The following ADGRV1 variants were observed in gnomAD, a reference collection of about 807,000 sequenced individuals.
ADGRV1 encodes adhesion G protein-coupled receptor V1, also known as G-protein coupled receptor 98.
A neutral mutation model predicts 596.2 loss-of-function variants in ADGRV1; 359 were observed. The ratio of observed to expected loss-of-function variants is 0.60; its 90% CI spans 0.55 to 0.66. ADGRV1 has a LOEUF of 0.66. Ranked by LOEUF, ADGRV1 falls within the 30% of genes least tolerant of loss-of-function variation. The pLI is 0.00. For synonymous variants in ADGRV1, 2,681 were observed against 2,679.2 expected (o/e 1.00, Z -0.02); for missense variants, 7,274 against 7,575.6 (o/e 0.96, Z 1.48).
At chr5:90,852,193 G>A (rs16869175) in intron 79 of ADGRV1, among the ~76,000 whole-genome samples, 14,294 of 152,098 alleles carry the variant, frequency 0.094, 702 homozygotes, top group East Asian at 0.17. Context: ...ATTCAAATAG[G>A]GTAGCTGAGG....
intron 85 of ADGRV1, among the ~76,000 whole-genome samples, chr5:91,063,754 GCACTTTGTTTTCTAAACAGGATTAATACA>G (rs979637562): frequency 6.6e-6 from 1 of 152,174 alleles, no homozygotes; most frequent in African/African-American, 2.4e-5. Flanking sequence ...GCAGTGAGGT[GCACTTTGTTTTCTAAACAGGATTAATACA>G]CATAGGAAAC....
chr5:91,102,464 A>T, intron 87 of ADGRV1, 124 bp downstream of exon 87: 1 of 717,160 alleles, frequency 1.4e-6, no homozygotes, highest in East Asian at 3.0e-5. Flanking sequence ...ATAACATCAT[A>T]TAGAGTTGTA....
intron 85 of ADGRV1, among the ~76,000 whole-genome samples, chr5:91,052,514 A>G (rs566846666): frequency 6.6e-6 from 1 of 151,190 alleles, no homozygotes; most frequent in South Asian, 2.1e-4. Context: ...AGCTCACTGC[A>G]GCCTCCACCT....
At chr5:90,987,373 G>A (rs972955448) in intron 85 of ADGRV1, among the ~76,000 whole-genome samples, 10 of 151,456 alleles carry the variant, frequency 6.6e-5, no homozygotes, top group South Asian at 4.2e-4. Context: ...GGGAGGCTGC[G>A]GCAGGAGAAT....
chr5:90,786,236 A>G, intron 67 of ADGRV1, among the ~76,000 whole-genome samples: 1 of 138,366 alleles, frequency 7.2e-6, no homozygotes, highest in African/African-American at 2.7e-5. Context: ...AACATCATAC[A>G]CTGGGGCCTA....
chr5:90,775,752 A>G (rs1327259657), intron 60 of ADGRV1, among the ~76,000 whole-genome samples: 1 of 152,154 alleles, frequency 6.6e-6, no homozygotes, highest in Admixed American at 6.6e-5. Context: ...TGTTGGGATT[A>G]CAGGTATGAT....
chr5:91,008,008 G>A (rs931323084), intron 85 of ADGRV1, among the ~76,000 whole-genome samples: 3 of 151,948 alleles, frequency 2.0e-5, no homozygotes, highest in African/African-American at 7.3e-5. Flanking sequence ...TCTATGACAC[G>A]TCCTCAGGAC....
intron 87 of ADGRV1, among the ~76,000 whole-genome samples, chr5:91,128,967 T>C (rs1395575408): frequency 6.6e-6 from 1 of 152,162 alleles, no homozygotes; most frequent in East Asian, 1.9e-4. Context: ...GTAGTGTAAA[T>C]GAGGAAAAAT....
At chr5:91,040,044 T>C (rs1398474818) in intron 85 of ADGRV1, among the ~76,000 whole-genome samples, 1 of 152,094 alleles carries the variant, frequency 6.6e-6, no homozygotes, top group African/African-American at 2.4e-5. Context: ...TCAATAAATA[T>C]ATATGTAGTG....
rs184518183 is a variant in ADGRV1 at position 90,679,445 on chromosome 5, A to G, written c.5444-104A>G. 459 of 672,578 alleles carry G rather than the reference A, an allele frequency of 6.8e-4. 2 individuals carry two copies. The African/African-American group carries it at 7.2e-3, about 11-fold the overall frequency. The allele number at this position is 672,578 out of a possible 1,614,324, so 41.7% of individuals were successfully genotyped here. On this transcript the variant is annotated intron_variant, in intron 25 of 89. Coordinates refer to ENST00000405460, the MANE Select transcript of ADGRV1 (RefSeq NM_032119.4). ...GAAGAATGCATGTTATTGGGTGAAT[A>G]TTACTGCATTTTCCTCTTTGCTTGA...
intron 50 of ADGRV1, among the ~76,000 whole-genome samples, chr5:90,741,464 G>A (rs1414712492): frequency 6.6e-6 from 1 of 151,744 alleles, no homozygotes; most frequent in Non-Finnish European, 1.5e-5. Flanking sequence ...TTAATTTTTT[G>A]CCTTTATTAT....
Position 90,729,730 on chromosome 5 carries a change from C to T in ADGRV1, c.10515C>T (p.Asn3505=). 4 of 1,613,154 alleles carry T rather than the reference C, an allele frequency of 2.5e-6. No individual in the cohort carries two copies. Among genetic ancestry groups the T allele is most frequent in the Non-Finnish European group, 3.4e-6 (4 of 1,179,298 alleles). The part of the protein sequence containing the change: ...YFQSVDFAAV[N]RIHSFTPASG... Reference sequence around the variant, plus strand: ...AGTCTGTAGATTTTGCTGCTGTTAACAGAATCCACTCCTTCACACCAGCCT... The same window carrying T: ...AGTCTGTAGATTTTGCTGCTGTTAATAGAATCCACTCCTTCACACCAGCCT... The change falls in exon 50 of 90, where the codon AAC becomes AAT. Residue 3505 remains asparagine (N), a synonymous_variant. Transcript: ENST00000405460.
At chr5:91,102,729 A>C (rs1252040439) in intron 87 of ADGRV1, among the ~76,000 whole-genome samples, 1 of 152,216 alleles carries the variant, frequency 6.6e-6, no homozygotes, top group Non-Finnish European at 1.5e-5. Flanking sequence ...TGAAATAGTG[A>C]TGTTCAAGCA....
chr5:91,017,335 A>G (rs1201786093), intron 85 of ADGRV1, among the ~76,000 whole-genome samples: 6 of 151,762 alleles, frequency 4.0e-5, no homozygotes, highest in Non-Finnish European at 2.9e-5. Context: ...AAATGAAAGT[A>G]TAAAATAAGC....
chr5:90,673,005 GA>G (rs1224430640), intron 22 of ADGRV1: 8 of 322,884 alleles, frequency 2.5e-5, no homozygotes, highest in Non-Finnish European at 4.5e-5. Flanking sequence ...GATAGATTGG[GA>G]CTGGGGCCAT....
chr5:90,582,832 G>C (rs1402631160), intron 1 of ADGRV1, among the ~76,000 whole-genome samples: 1 of 152,130 alleles, frequency 6.6e-6, no homozygotes, highest in Non-Finnish European at 1.5e-5. Context: ...AGCTTCCCAA[G>C]TGGCTGAGAT....
At chr5:90,892,408 C>T (rs1478183586) in intron 83 of ADGRV1, among the ~76,000 whole-genome samples, 1 of 151,888 alleles carries the variant, frequency 6.6e-6, no homozygotes, top group African/African-American at 2.4e-5. Flanking sequence ...AGAACAAAGT[C>T]TTATGTCATT....
intron 85 of ADGRV1, among the ~76,000 whole-genome samples, chr5:91,058,220 G>T (rs1787074698): frequency 6.6e-6 from 1 of 152,118 alleles, no homozygotes; most frequent in Non-Finnish European, 1.5e-5. Context: ...CCATCATGCT[G>T]GAGGGAGGGT....
chr5:91,014,805 G>A lies in ADGRV1; in HGVS notation c.18152+29283G>A, dbSNP rs182736576. Among the ~76,000 whole-genome samples the A allele has an allele frequency of 1.7e-4, 26 of 151,358 alleles. No individual in the cohort carries two copies. The East Asian group carries it at 2.5e-3, about 15-fold the overall frequency. On this transcript the variant is annotated intron_variant, in intron 85 of 89. Coordinates refer to ENST00000405460, the MANE Select transcript of ADGRV1 (RefSeq NM_032119.4). ...TTTCTTCTTTATTAATCTAACTAGC[G>A]GCCTATATATCTTATTAATTTTTTC... is the stretch of plus-strand genomic sequence containing the variant.
Sources: allele counts gnomAD v4.1 joint callset (sites outside exome capture counted in the v4.1 genomes callset), GRCh38; gene constraint gnomAD v4.1.1; transcripts MANE v1.5; gene names NCBI Gene and HGNC (gene_info 2026-07-23, HGNC 2026-07-21).